ROR2: variants seen among roughly 807,000 people sequenced by gnomAD.
ROR2 encodes tyrosine-protein kinase transmembrane receptor ROR2.
Under a neutral mutation model 74.9 loss-of-function variants are expected in ROR2, and 33 were observed. The observed-to-expected ratio is 0.44, with a 90% CI of 0.33 to 0.59. The LOEUF (loss-of-function observed/expected upper bound fraction) is 0.59, where lower values mean the gene tolerates loss of function less well. ROR2 is among the 20% of genes least tolerant of loss of function. The pLI, the probability that ROR2 is intolerant of heterozygous loss-of-function variation, is 0.02. For missense variants in ROR2, 1,216 were observed against 1,313.8 expected, an observed-to-expected ratio of 0.93 and a Z score of 1.15; for synonymous variants, 586 against 558.7, an observed-to-expected ratio of 1.05 and a Z score of -0.69.
At chr9:91,840,497 T>C (rs1828750708) in intron 1 of ROR2, among the ~76,000 whole-genome samples, 2 of 152,182 alleles carry the variant, frequency 1.3e-5, no homozygotes, top group South Asian at 4.1e-4. Flanking sequence ...TGTCTGACGT[T>C]TTCTTTCCAG....
intron 1 of ROR2, among the ~76,000 whole-genome samples, chr9:91,851,309 G>C (rs1027884802): frequency 6.8e-6 from 1 of 147,660 alleles, no homozygotes; most frequent in Admixed American, 6.8e-5. Flanking sequence ...CTGAAATCAC[G>C]CCACTGCACA....
intron 1 of ROR2, among the ~76,000 whole-genome samples, chr9:91,947,383 T>C (rs1172006286): frequency 2.0e-5 from 3 of 152,236 alleles, no homozygotes; most frequent in East Asian, 3.8e-4. Context: ...CTCACAATTA[T>C]ACTGAAAAAT....
intron 1 of ROR2, among the ~76,000 whole-genome samples, chr9:91,829,936 G>A (rs141299143): frequency 1.8e-4 from 27 of 152,280 alleles, no homozygotes; most frequent in Admixed American, 4.6e-4. Flanking sequence ...ACTCATTGCC[G>A]TTCACATTAA....
intron 4 of ROR2, among the ~76,000 whole-genome samples, chr9:91,747,724 T>C (rs1392686105): frequency 6.6e-6 from 1 of 152,106 alleles, no homozygotes; most frequent in Non-Finnish European, 1.5e-5. Context: ...GGTCCAGAGA[T>C]ATCGTAAGCA....
intron 1 of ROR2, among the ~76,000 whole-genome samples, chr9:91,853,348 A>G (rs1187667979): frequency 1.3e-5 from 2 of 152,128 alleles, no homozygotes; most frequent in African/African-American, 4.8e-5. Flanking sequence ...GAGGTGGAAG[A>G]AGGAGGGGAG....
chr9:91,867,766 G>T (rs1245809592), intron 1 of ROR2, among the ~76,000 whole-genome samples: 1 of 149,648 alleles, frequency 6.7e-6, no homozygotes, highest in Non-Finnish European at 1.5e-5. Flanking sequence ...GTCCCAGTCT[G>T]GCCACAGTGT....
intron 4 of ROR2, among the ~76,000 whole-genome samples, chr9:91,740,566 A>ATATATATATGTATATATATG (rs559664856): frequency 6.7e-6 from 1 of 149,080 alleles, no homozygotes; most frequent in African/African-American, 2.5e-5. Flanking sequence ...GGGGGGGGGA[A>ATATATATATGTATATATATG]TATATATATG....
chr9:91,933,840 G>C (rs1831612933), intron 1 of ROR2, among the ~76,000 whole-genome samples: 1 of 152,222 alleles, frequency 6.6e-6, no homozygotes, highest in Non-Finnish European at 1.5e-5. Context: ...CTAGGAAAAA[G>C]GCGGGGACGG....
intron 5 of ROR2, among the ~76,000 whole-genome samples, chr9:91,735,599 G>A (rs1002014665): frequency 2.2e-4 from 28 of 129,938 alleles, no homozygotes; most frequent in African/African-American, 7.5e-4. Flanking sequence ...CCTACTAAGG[G>A]CTCTAACTTT....
chr9:91,796,273 C>T (rs1334361307), intron 1 of ROR2, among the ~76,000 whole-genome samples: 6 of 151,880 alleles, frequency 4.0e-5, no homozygotes. Flanking sequence ...AAAACCTCAT[C>T]TCTACAAAAA....
chr9:91,931,416 C>G (rs1831545915), intron 1 of ROR2, among the ~76,000 whole-genome samples: 1 of 152,074 alleles, frequency 6.6e-6, no homozygotes, highest in African/African-American at 2.4e-5. Flanking sequence ...TCCAAAAGCA[C>G]AACACAAAAT....
chr9:91,922,959 CTCACTTCTGCT>C (rs1171430345), intron 1 of ROR2, among the ~76,000 whole-genome samples: 1 of 151,918 alleles, frequency 6.6e-6, no homozygotes, highest in East Asian at 1.9e-4. Context: ...CTCACTCTGC[CTCACTTCTGCT>C]GGGCATGACC....
chr9:91,841,950 A>G (rs1331233801), intron 1 of ROR2, among the ~76,000 whole-genome samples: 2 of 152,146 alleles, frequency 1.3e-5, no homozygotes, highest in Admixed American at 1.3e-4. Flanking sequence ...AGAATGCCTT[A>G]CCCAAGGCCA....
At chr9:91,839,247 C>CG (rs11420421) in intron 1 of ROR2, among the ~76,000 whole-genome samples, 1 of 97,964 alleles carries the variant, frequency 1.0e-5, no homozygotes, top group African/African-American at 5.5e-5. Context: ...GCTGTCAGAT[C>CG]GGGGGTGTGT....
chr9:91,763,721 A>G (rs1311080625), intron 2 of ROR2, among the ~76,000 whole-genome samples: 1 of 151,772 alleles, frequency 6.6e-6, no homozygotes, highest in Non-Finnish European at 1.5e-5. Flanking sequence ...TTTTCCTTCC[A>G]CTCTTCTTTA....
chr9:91,884,890 G>A (rs185085680), intron 1 of ROR2, among the ~76,000 whole-genome samples: 178 of 152,142 alleles, frequency 1.2e-3, no homozygotes, highest in Non-Finnish European at 2.0e-3. Context: ...TCTAAATTAA[G>A]TCATCAACTT....
chr9:91,766,138 T>C (rs1587698804), intron 2 of ROR2, among the ~76,000 whole-genome samples: 1 of 152,362 alleles, frequency 6.6e-6, no homozygotes, highest in East Asian at 1.9e-4. Flanking sequence ...CCCTCTCTGC[T>C]CTGTGGCCCA....
chr9:91,733,049 AC>A lies in ROR2; in HGVS notation c.937+72del. 1.4e-6 allele frequency: 2 copies of A among 1,409,490 alleles called. No homozygotes were observed. The highest frequency in any genetic ancestry group is 1.9e-6 in the Non-Finnish European group (2 of 1,040,000). The allele number at this position is 1,409,490 out of a possible 1,614,324, so 87.3% of individuals were successfully genotyped here. On this transcript the variant is annotated intron_variant, in intron 6 of 8. Transcript: ENST00000375708. This position sits in a 1 kb window ranked among gnomAD's most constrained non-coding sequence, Gnocchi z 5.7. ...ATGGGGCTCCCTGGGCTTCACCGAC[AC>A]CCCCATACACATTTCAAGGGCCCTA... is the stretch of plus-strand genomic sequence containing the variant.
intron 4 of ROR2, among the ~76,000 whole-genome samples, chr9:91,740,560 G>T (rs149094761): frequency 1.4e-5 from 2 of 145,454 alleles, no homozygotes; most frequent in African/African-American, 5.5e-5. Flanking sequence ...TCGGGCGGGG[G>T]GGGGAATATA....
Sources: allele counts gnomAD v4.1 joint callset (sites outside exome capture counted in the v4.1 genomes callset), GRCh38; gene constraint gnomAD v4.1.1; non-coding constraint Gnocchi (gnomAD v3.1); transcripts MANE v1.5; gene names NCBI Gene and HGNC (gene_info 2026-07-23, HGNC 2026-07-21).